Variants in GATA6 observed in about 807,000 individuals in gnomAD.
GATA6 encodes the protein GATA binding protein 6.
Under a neutral mutation model 48.1 loss-of-function variants are expected in GATA6, and 11 were observed. The ratio of observed to expected loss-of-function variants is 0.23; its 90% CI spans 0.14 to 0.38. The LOEUF (loss-of-function observed/expected upper bound fraction) is 0.38, where lower values mean the gene tolerates loss of function less well. Ranked by LOEUF, GATA6 falls within the 10% of genes least tolerant of loss-of-function variation. GATA6 has a pLI of 1.00. For missense variants in GATA6, 795 were observed against 850.3 expected, an observed-to-expected ratio of 0.93 and a Z score of 0.81; for synonymous variants, 419 against 396.1, an observed-to-expected ratio of 1.06 and a Z score of -0.69.
rs1598733637 is a variant in GATA6 at position 22,171,176 on chromosome 18, C to G, written c.32C>G (p.Pro11Arg). 1 of 1,599,914 alleles carries G rather than the reference C, an allele frequency of 6.3e-7. No individual in the cohort carries two copies. Among genetic ancestry groups the G allele is most frequent in the African/African-American group, 1.3e-5 (1 of 75,034 alleles). MALTDGGWCL[P>R]KRFGAAGADA... Reference sequence around the variant, plus strand: ...TTGACTGACGGCGGCTGGTGCTTGCCGAAGCGCTTCGGGGCCGCGGGTGCG... The same window carrying G: ...TTGACTGACGGCGGCTGGTGCTTGCGGAAGCGCTTCGGGGCCGCGGGTGCG... The change falls in exon 2 of 7, where the codon CCG (proline) becomes CGG (arginine). Residue 11 changes from proline (P) to arginine (R), a missense_variant. Pro to Arg is a moderately radical substitution (Grantham distance 103). This residue lies in a region of GATA6 where 591 missense variants were observed against 570.0 expected (regional missense o/e 1.04). Transcript: ENST00000269216. The surrounding 1 kb of genome is among the most constrained non-coding windows in gnomAD (Gnocchi z 7.1).
intron 6 of GATA6, among the ~76,000 whole-genome samples, chr18:22,196,713 GCCTGGATGAC>G (rs1202492011): frequency 1.3e-5 from 2 of 152,022 alleles, no homozygotes; most frequent in African/African-American, 4.8e-5. Flanking sequence ...GTGCACTCCA[GCCTGGATGAC>G]AGAGCAAGAC....
At chr18:22,195,036 G>A (rs1173692760) in intron 6 of GATA6, among the ~76,000 whole-genome samples, 1 of 152,046 alleles carries the variant, frequency 6.6e-6, no homozygotes, top group East Asian at 1.9e-4. Context: ...TGTAGTGGTG[G>A]GCGCCTGTAA....
chr18:22,177,952 G>T (rs7235350), intron 3 of GATA6, among the ~76,000 whole-genome samples: 14,705 of 77,924 alleles, frequency 0.19, 2,424 homozygotes, highest in African/African-American at 0.52. Flanking sequence ...CTGTTTTTTT[G>T]TTTTTTTTTT....
Position 22,200,211 on chromosome 18 carries a change from G to A in GATA6, c.1621-445G>A, listed in dbSNP as rs149106240. Reference sequence around the variant, plus strand: ...TGTGTGTGTGTGTGTGCGCGCGCACGCATGCGTGCGCTCTGCATTTTCTCT... The same window carrying A: ...TGTGTGTGTGTGTGTGCGCGCGCACACATGCGTGCGCTCTGCATTTTCTCT... On this transcript the variant is annotated intron_variant, in intron 6 of 6. Transcript: ENST00000269216. Among the ~76,000 whole-genome samples, 1,115 of 152,172 alleles carry A rather than the reference G, an allele frequency of 7.3e-3. 9 individuals are homozygous for A. Among genetic ancestry groups the A allele is most frequent in the African/African-American group, 0.025 (1,033 of 41,510 alleles).
At chr18:22,182,878 T>C in intron 5 of GATA6, 34 bp downstream of exon 5, 1 of 1,598,738 alleles carries the variant, frequency 6.3e-7, no homozygotes, top group South Asian at 1.1e-5. Flanking sequence ...GACTGTAAAG[T>C]ATTTGCCAAC....
rs1022450521 is a variant in GATA6 at position 22,177,239 on chromosome 18, C to T, written c.1302+118C>T. The T allele has an allele frequency of 2.1e-5, 19 of 923,256 alleles. No homozygotes were observed. In the Admixed American group the frequency reaches 6.1e-4, roughly 30 times the overall value. 57.2% of individuals were successfully genotyped at this position (923,256 alleles called of 1,614,324 possible). On this transcript the variant is annotated intron_variant, in intron 3 of 6. Transcript: ENST00000269216. ...CCCCCTCCCAGGGGACAGGTGCGGC[C>T]GCTGCGGTCCCACCCTAGCGGGGAC... is the stretch of plus-strand genomic sequence containing the variant.
At chr18:22,194,121 T>C (rs2143329253) in intron 6 of GATA6, among the ~76,000 whole-genome samples, 1 of 152,118 alleles carries the variant, frequency 6.6e-6, no homozygotes, top group East Asian at 1.9e-4. Context: ...TGGCTACTTC[T>C]CAGGCTAGCG....
In GATA6 at chr18:22,185,190, C is replaced by T. The variant is rs895807660; in HGVS notation, c.1620+2147C>T. ...AGAAGAAGGGCCTTGGGAGTTCCAT[C>T]TCTGGTCCTAGGCTTATTGTCCCAG... On this transcript the variant is annotated intron_variant, in intron 6 of 6. Coordinates refer to ENST00000269216, the MANE Select transcript of GATA6 (RefSeq NM_005257.6). The surrounding 1 kb of genome is among the most constrained non-coding windows in gnomAD (Gnocchi z 4.3). 7.9e-5 allele frequency among the ~76,000 whole-genome samples: 12 copies of T among 152,216 alleles called. No individual in the cohort carries two copies. The highest frequency in any genetic ancestry group is 2.2e-4 in the African/African-American group (9 of 41,460).
In GATA6 at chr18:22,201,047, G is replaced by A. The variant is rs1598743870; in HGVS notation, c.*224G>A. ...GCGCTTGGGCCACTCCAGCCAGCCC[G>A]CCTCCGGGGCGGACCCTGCTCCACT... On this transcript the variant is annotated 3_prime_UTR_variant, in exon 7 of 7. Coordinates refer to ENST00000269216, the MANE Select transcript of GATA6 (RefSeq NM_005257.6). 3.3e-6 allele frequency: 2 copies of A among 608,984 alleles called. No individual in the cohort carries two copies. The highest frequency in any genetic ancestry group is 5.7e-6 in the Non-Finnish European group (2 of 349,780). The allele number at this position is 608,984 out of a possible 1,614,324, so 37.7% of individuals were successfully genotyped here.
intron 6 of GATA6, among the ~76,000 whole-genome samples, chr18:22,194,496 C>G (rs1036035961): frequency 6.6e-6 from 1 of 152,128 alleles, no homozygotes; most frequent in Non-Finnish European, 1.5e-5. Context: ...GCTCTCCCTC[C>G]CTTTTGTTCA....
At chr18:22,195,164 G>A (rs529914672) in intron 6 of GATA6, among the ~76,000 whole-genome samples, 31 of 152,248 alleles carry the variant, frequency 2.0e-4, no homozygotes, top group Admixed American at 1.6e-3. Flanking sequence ...AGAGAATATC[G>A]GTTTTGAGAG....
intron 6 of GATA6, among the ~76,000 whole-genome samples, chr18:22,194,711 C>T (rs1487813919): frequency 6.7e-6 from 1 of 148,504 alleles, no homozygotes; most frequent in Non-Finnish European, 1.5e-5. Flanking sequence ...CCCCCTCCGC[C>T]CCCCCCTCCC....
At position 22,171,964 on chromosome 18, in the gene GATA6, G is replaced by C; in HGVS notation, c.820G>C (p.Gly274Arg). ...PYSPSPPMAN[G>R]AAREPGGYAA... ...CTCTCCCAGCCCGCCCATGGCCAAC[G>C]GCGCCGCGCGGGAGCCGGGAGGCTA... Residue 274 changes from glycine to arginine, a missense_variant, in exon 2 of 7, where the codon GGC becomes CGC. Gly to Arg is a moderately radical substitution (Grantham distance 125). Around this residue, in one of 5 missense-constraint regions of GATA6, gnomAD observed 591 missense variants for 570.0 expected, o/e 1.04. Coordinates refer to ENST00000269216, the MANE Select transcript of GATA6 (RefSeq NM_005257.6). This position sits in a 1 kb window ranked among gnomAD's most constrained non-coding sequence, Gnocchi z 7.1. 2.5e-6 allele frequency: 3 copies of C among 1,205,518 alleles called. No homozygotes were observed. The highest frequency in any genetic ancestry group is 3.1e-6 in the Non-Finnish European group (3 of 971,674). The allele number at this position is 1,205,518 out of a possible 1,614,324, so 74.7% of individuals were successfully genotyped here. A position where few individuals can be genotyped will look rare whatever the true frequency, so the allele number is the denominator to read the frequency against.
chr18:22,170,412 C>A lies in GATA6; in HGVS notation c.-37-696C>A, dbSNP rs948929495. On this transcript the variant is annotated intron_variant, in intron 1 of 6. Transcript: ENST00000269216. The surrounding 1 kb of genome is among the most constrained non-coding windows in gnomAD (Gnocchi z 6.7). ...GCTGGCGATTCCCGCCCCACAAGCTCTCCGCATTGCCTCTGCTGGGAAGGA... is the reference window on the plus strand; with the variant it reads ...GCTGGCGATTCCCGCCCCACAAGCTATCCGCATTGCCTCTGCTGGGAAGGA... Among the ~76,000 whole-genome samples, 1 of 152,212 alleles carries A rather than the reference C, an allele frequency of 6.6e-6. No individual in the cohort carries two copies. The highest frequency in any genetic ancestry group is 2.4e-5 in the African/African-American group (1 of 41,460).
At position 22,201,870 on chromosome 18, in the gene GATA6, T is replaced by C. The variant is rs574562576; in HGVS notation, c.*1047T>C. 2 of 152,754 alleles carry C rather than the reference T, an allele frequency of 1.3e-5. No homozygotes were observed. The highest frequency in any genetic ancestry group is 3.4e-3 in the Middle Eastern group (1 of 294). The allele number at this position is 152,754 out of a possible 1,614,324, so 9.5% of individuals were successfully genotyped here. On this transcript the variant is annotated 3_prime_UTR_variant, in exon 7 of 7. Transcript: ENST00000269216. Reference sequence around the variant, plus strand: ...TCTGATGAAGTCTGTATAGTGTGACTAACCCACAGGCAGGTTGGTTTACAT... The same window carrying C: ...TCTGATGAAGTCTGTATAGTGTGACCAACCCACAGGCAGGTTGGTTTACAT...
In GATA6 at chr18:22,171,299, G is replaced by A. The variant is rs541150137; in HGVS notation, c.155G>A (p.Arg52Gln). ...TCCTCCTGCTCCCGGGGCGGAGAGC[G>A]GGGCCCCGGCGGCGCCAGCAACTGC... ...SSSSCSRGGE[R>Q]GPGGASNCGT... is the part of the protein sequence containing the mutation. Residue 52 changes from arginine to glutamine, a missense_variant, in exon 2 of 7, where the codon CGG (arginine) becomes CAG (glutamine). Coordinates refer to ENST00000269216, the MANE Select transcript of GATA6 (RefSeq NM_005257.6). This position sits in a 1 kb window ranked among gnomAD's most constrained non-coding sequence, Gnocchi z 7.1. 1 of 1,592,158 alleles carries A rather than the reference G, an allele frequency of 6.3e-7. No homozygotes were observed. Among genetic ancestry groups the A allele is most frequent in the Non-Finnish European group, 8.5e-7 (1 of 1,175,616 alleles).
At chr18:22,192,095 A>G (rs576834613) in intron 6 of GATA6, among the ~76,000 whole-genome samples, 1 of 152,322 alleles carries the variant, frequency 6.6e-6, no homozygotes, top group African/African-American at 2.4e-5. Context: ...TCAAAAGTTT[A>G]TTCTGGGGGT....
At chr18:22,187,788 T>A (rs1300939002) in intron 6 of GATA6, among the ~76,000 whole-genome samples, 9 of 151,918 alleles carry the variant, frequency 5.9e-5, no homozygotes, top group Admixed American at 4.6e-4. Context: ...TCTTTTGTAA[T>A]AGGAGGGATT....
At chr18:22,178,641 G>A (rs941716896) in intron 3 of GATA6, among the ~76,000 whole-genome samples, 1 of 152,186 alleles carries the variant, frequency 6.6e-6, no homozygotes, top group Admixed American at 6.5e-5. Flanking sequence ...TTGTTTTAAT[G>A]CATTTAAAAT....
Sources: allele counts gnomAD v4.1 joint callset (sites outside exome capture counted in the v4.1 genomes callset), GRCh38; gene constraint gnomAD v4.1.1; regional missense constraint gnomAD v4.1.1; non-coding constraint Gnocchi (gnomAD v3.1); transcripts MANE v1.5; gene names NCBI Gene and HGNC (gene_info 2026-07-23, HGNC 2026-07-21).